The following GALNT7 variants were observed in gnomAD, a reference collection of about 807,000 sequenced individuals.
GALNT7 encodes N-acetylgalactosaminyltransferase 7.
In GALNT7, 60 loss-of-function variants were observed where a neutral mutation model predicts 82.1. The observed-to-expected ratio is 0.73, with a 90% CI of 0.59 to 0.91. The LOEUF is 0.91. Among genes scored for constraint, GALNT7 ranks in the 40% least tolerant of loss-of-function variants. The probability of loss-of-function intolerance (pLI) is 0.00; values close to 1 mark genes in which losing one functional copy is unlikely to be tolerated. For missense variants in GALNT7, 660 were observed against 804.2 expected (o/e 0.82, Z 2.17); for synonymous variants, 243 against 275.1 (o/e 0.88, Z 1.15).
intron 6 of GALNT7, among the ~76,000 whole-genome samples, chr4:173,299,620 G>C (rs530565637): frequency 7.2e-5 from 11 of 152,164 alleles, no homozygotes; most frequent in Non-Finnish European, 1.5e-4. Flanking sequence ...GCCGAGGCAG[G>C]CGGATCACCA....
intron 1 of GALNT7, among the ~76,000 whole-genome samples, chr4:173,178,097 G>C (rs1732130228): frequency 6.8e-6 from 1 of 146,384 alleles, no homozygotes; most frequent in African/African-American, 2.6e-5. Flanking sequence ...ATATATTTTA[G>C]TTGTGATCAT....
rs1245821994 is a variant in GALNT7 at position 173,247,276 on chromosome 4, C to G, written c.127-704C>G. 2.0e-5 allele frequency among the ~76,000 whole-genome samples: 3 copies of G among 151,326 alleles called. No homozygotes were observed. The East Asian group carries it at 5.8e-4, about 29-fold the overall frequency. On this transcript the variant is annotated intron_variant, in intron 1 of 11. Transcript: ENST00000265000. ...GGCCCAAACAGAAAAGAGAGGCACCCTTTACTGTGAATGAATATCCTTGTA... is the reference window on the plus strand; with the variant it reads ...GGCCCAAACAGAAAAGAGAGGCACCGTTTACTGTGAATGAATATCCTTGTA...
intron 1 of GALNT7, among the ~76,000 whole-genome samples, chr4:173,178,059 A>C (rs28451387): frequency 1.1e-5 from 1 of 91,078 alleles, no homozygotes; most frequent in Non-Finnish European, 2.2e-5. Flanking sequence ...GTGTGCGCGC[A>C]CGCGCGTGCG....
chr4:173,210,032 C>T (rs1467546584), intron 1 of GALNT7, among the ~76,000 whole-genome samples: 1 of 151,960 alleles, frequency 6.6e-6, no homozygotes, highest in East Asian at 1.9e-4. Context: ...ACTCAGGAAG[C>T]CGAGGCAGGA....
chr4:173,256,282 T>G (rs1008986045), intron 2 of GALNT7, among the ~76,000 whole-genome samples: 5 of 152,340 alleles, frequency 3.3e-5, no homozygotes, highest in African/African-American at 1.2e-4. Flanking sequence ...AAGGCCATCC[T>G]TGGATCATAC....
intron 1 of GALNT7, among the ~76,000 whole-genome samples, chr4:173,191,781 A>G (rs887485387): frequency 1.3e-5 from 2 of 152,174 alleles, no homozygotes; most frequent in African/African-American, 4.8e-5. Flanking sequence ...TTGTGAATCT[A>G]TTATTCATGA....
intron 2 of GALNT7, among the ~76,000 whole-genome samples, chr4:173,267,773 TA>T (rs112405780): frequency 0.028 from 4,250 of 152,280 alleles, 174 homozygotes; most frequent in African/African-American, 0.084. Flanking sequence ...TTGTGGATAA[TA>T]ATACTTGGCT....
At chr4:173,265,505 G>A (rs1010797566) in intron 2 of GALNT7, among the ~76,000 whole-genome samples, 1 of 151,866 alleles carries the variant, frequency 6.6e-6, no homozygotes, top group Non-Finnish European at 1.5e-5. Context: ...TCAGGTTTGT[G>A]ACATGTTTAG....
In GALNT7 at chr4:173,323,555, T is replaced by G. The variant is rs1311292327; in HGVS notation, c.*1838T>G. The G allele has an allele frequency of 1.3e-5, 2 of 152,626 alleles. No individual in the cohort carries two copies. The highest frequency in any genetic ancestry group is 4.8e-5 in the African/African-American group (2 of 41,454). The allele number at this position is 152,626 out of a possible 1,614,324, so 9.5% of individuals were successfully genotyped here. A position where few individuals can be genotyped will look rare whatever the true frequency, so the allele number is the denominator to read the frequency against. On this transcript the variant is annotated 3_prime_UTR_variant, in exon 12 of 12. Transcript: ENST00000265000. The stretch of plus-strand genomic sequence containing the variant: ...CATGTTGAGTAGATTATAACCTTAT[T>G]AACTATGCATAGGCCTAAGAAAGGT...
intron 1 of GALNT7, among the ~76,000 whole-genome samples, chr4:173,198,762 A>G (rs1242988866): frequency 2.0e-5 from 3 of 152,124 alleles, no homozygotes. Context: ...AGGCTGCTTC[A>G]GCGAGGACTG....
intron 1 of GALNT7, among the ~76,000 whole-genome samples, chr4:173,230,892 A>T (rs1441133168): frequency 6.6e-6 from 1 of 152,202 alleles, no homozygotes; most frequent in African/African-American, 2.4e-5. Flanking sequence ...CAGGCATTTG[A>T]TAAATTTTTG....
At chr4:173,304,978 G>T (rs149732001) in intron 8 of GALNT7, among the ~76,000 whole-genome samples, 2 of 152,190 alleles carry the variant, frequency 1.3e-5, no homozygotes, top group African/African-American at 4.8e-5. Context: ...CTGCTGCAAT[G>T]AACAGGAGTG....
At chr4:173,287,320 C>T (rs187103419) in intron 2 of GALNT7, among the ~76,000 whole-genome samples, 56 of 152,336 alleles carry the variant, frequency 3.7e-4, no homozygotes, top group African/African-American at 1.1e-3. Flanking sequence ...ATTTTCCCCA[C>T]TTGCTTCTCC....
At chr4:173,190,921 A>G (rs532604236) in intron 1 of GALNT7, among the ~76,000 whole-genome samples, 46 of 152,344 alleles carry the variant, frequency 3.0e-4, no homozygotes, top group Admixed American at 1.2e-3. Context: ...ACCAAAAATC[A>G]CTATCAGACC....
chr4:173,233,831 A>G (rs1014973480), intron 1 of GALNT7, among the ~76,000 whole-genome samples: 1 of 152,136 alleles, frequency 6.6e-6, no homozygotes, highest in Non-Finnish European at 1.5e-5. Context: ...AGCTTTTCCT[A>G]TTAAAAACAA....
At chr4:173,246,486 G>C (rs981345229) in intron 1 of GALNT7, among the ~76,000 whole-genome samples, 5 of 152,106 alleles carry the variant, frequency 3.3e-5, no homozygotes, top group Non-Finnish European at 7.4e-5. Flanking sequence ...CCCTGCAGAA[G>C]GAAAGGCAGG....
intron 1 of GALNT7, among the ~76,000 whole-genome samples, chr4:173,191,463 A>G (rs887546519): frequency 6.6e-6 from 1 of 152,218 alleles, no homozygotes; most frequent in Non-Finnish European, 1.5e-5. Context: ...AATTTTTGCT[A>G]AGTTCTAGAG....
At chr4:173,241,223 A>AGAAG (rs113027555) in intron 1 of GALNT7, among the ~76,000 whole-genome samples, 11 of 146,704 alleles carry the variant, frequency 7.5e-5, no homozygotes, top group East Asian at 4.0e-4. Context: ...AAAAAAAAAA[A>AGAAG]AAGAAAGAAA....
chr4:173,242,772 A>T (rs1240152948), intron 1 of GALNT7, among the ~76,000 whole-genome samples: 1 of 152,196 alleles, frequency 6.6e-6, no homozygotes, highest in South Asian at 2.1e-4. Context: ...GCCCCAGCCT[A>T]CTGGCACGCC....
Sources: gnomAD v4.1 joint callset for allele counts (sites outside exome capture counted in the v4.1 genomes callset) on GRCh38, gnomAD v4.1.1 for gene constraint, MANE v1.5 for transcripts, NCBI Gene and HGNC (gene_info 2026-07-23, HGNC 2026-07-21) for gene names.